PHACTR2: variants seen among roughly 807,000 people sequenced by gnomAD.
The protein encoded by PHACTR2 is chromosome 6 open reading frame 56.
In PHACTR2, 30 loss-of-function variants were observed where a neutral mutation model predicts 76.0. That is an observed-to-expected ratio of 0.39 (90% CI 0.30 to 0.54). The LOEUF is 0.54. PHACTR2 is among the 20% of genes least tolerant of loss of function. PHACTR2 has a pLI of 0.61. For missense variants in PHACTR2, 696 were observed against 781.1 expected (o/e 0.89, Z 1.30); for synonymous variants, 292 against 292.5 (o/e 1.00, Z 0.02).
In PHACTR2 at chr6:143,592,781, C is replaced by T. The variant is rs1050140443; in HGVS notation, c.217+55574C>T. On this transcript the variant is annotated intron_variant, in intron 1 of 11. Coordinates refer to the PHACTR2 transcript ENST00000367584. The surrounding 1 kb of genome is among the most constrained non-coding windows in gnomAD (Gnocchi z 4.0). ...CCCAACCTTGGGCTGGGCACGGTGGCTCAAGCCTGTAATCCCAGCACTTTG... is the reference window on the plus strand; with the variant it reads ...CCCAACCTTGGGCTGGGCACGGTGGTTCAAGCCTGTAATCCCAGCACTTTG... Among the ~76,000 whole-genome samples, 1 of 152,056 alleles carries T rather than the reference C, an allele frequency of 6.6e-6. No homozygotes were observed.
rs1035613582 is a variant in PHACTR2, at chr6:143,654,301, A to G, written c.13+45979A>G. Among the ~76,000 whole-genome samples, 1 of 152,200 alleles carries G rather than the reference A, an allele frequency of 6.6e-6. No individual in the cohort carries two copies. Among genetic ancestry groups the G allele is most frequent in the Non-Finnish European group, 1.5e-5 (1 of 68,036 alleles). ...ACTCTGGCAGTTCCTCAAACAATCA[A>G]TCATAGAGTTACCATATGAACAGCA... On this transcript the variant is annotated intron_variant, in intron 1 of 11. Transcript: ENST00000305766. The surrounding 1 kb of genome is among the most constrained non-coding windows in gnomAD (Gnocchi z 4.6).
intron 5 of PHACTR2, among the ~76,000 whole-genome samples, chr6:143,762,801 G>T (rs1407260859): frequency 6.6e-6 from 1 of 152,132 alleles, no homozygotes; most frequent in Non-Finnish European, 1.5e-5. Context: ...GAGAAATCGG[G>T]TTAAATCTCC....
intron 6 of PHACTR2, among the ~76,000 whole-genome samples, chr6:143,770,870 T>C (rs1775083007): frequency 6.6e-6 from 1 of 151,074 alleles, no homozygotes; most frequent in Non-Finnish European, 1.5e-5. Context: ...TTTACTAGGC[T>C]AAATAATAGA....
At position 143,787,655 on chromosome 6, in the gene PHACTR2, G is replaced by C. The variant is rs1016443704; in HGVS notation, c.1708-1118G>C. On this transcript the variant is annotated intron_variant, in intron 10 of 12. Coordinates refer to ENST00000440869, the MANE Select transcript of PHACTR2 (RefSeq NM_001100164.2). This position sits in a 1 kb window ranked among gnomAD's most constrained non-coding sequence, Gnocchi z 4.6. ...TGGACAGGTGTTGTGGCTTATGCCT[G>C]TAACCCCAGCACTTTGGGAGGCTGA... is the stretch of plus-strand genomic sequence containing the variant. Among the ~76,000 whole-genome samples the C allele has an allele frequency of 6.6e-6, 1 of 152,176 alleles. No individual in the cohort carries two copies. Among genetic ancestry groups the C allele is most frequent in the Non-Finnish European group, 1.5e-5 (1 of 68,030 alleles).
rs937825091 is a variant in PHACTR2, at chr6:143,663,544, G to GT, written c.14-48465dup. Among the ~76,000 whole-genome samples the GT allele has an allele frequency of 3.6e-4, 54 of 151,128 alleles. No individual in the cohort carries two copies. The highest frequency in any genetic ancestry group is 1.2e-3 in the African/African-American group (50 of 41,188). ...CTTTCCCTGAATAGATCTTTTCTTT[G>GT]TTTTTTTAAATAAATGCGATTAAAG... On this transcript the variant is annotated intron_variant, in intron 1 of 11. Transcript: ENST00000305766. The surrounding 1 kb of genome is among the most constrained non-coding windows in gnomAD (Gnocchi z 4.1).
rs2128470100 is a variant in PHACTR2 at position 143,750,917 on chromosome 6, T to C, written c.295+1852T>C. ...TTCCAGCTTTTCCATGGTCCCTATC[T>C]AGAACCGTAGAAATTATCTAATGGT... On this transcript the variant is annotated intron_variant, in intron 3 of 12. Coordinates refer to ENST00000440869, the MANE Select transcript of PHACTR2 (RefSeq NM_001100164.2). The surrounding 1 kb of genome is among the most constrained non-coding windows in gnomAD (Gnocchi z 4.6). Among the ~76,000 whole-genome samples the C allele has an allele frequency of 6.6e-6, 1 of 152,336 alleles. No individual in the cohort carries two copies. The highest frequency in any genetic ancestry group is 1.9e-4 in the East Asian group (1 of 5,184).
rs149470261 is a variant in PHACTR2, at chr6:143,553,332, T to A, written c.217+16125T>A. 2.4e-3 allele frequency among the ~76,000 whole-genome samples: 363 copies of A among 152,354 alleles called. 2 individuals are homozygous for A. Among genetic ancestry groups the A allele is most frequent in the African/African-American group, 8.2e-3 (342 of 41,578 alleles). Reference sequence around the variant, plus strand: ...CAACTTCAATTTGTACAGAAGTGACTGTGCATTTTAAAGAGAGAATGAAGG... The same window carrying A: ...CAACTTCAATTTGTACAGAAGTGACAGTGCATTTTAAAGAGAGAATGAAGG... On this transcript the variant is annotated intron_variant, in intron 1 of 11. Transcript: ENST00000367584. This position sits in a 1 kb window ranked among gnomAD's most constrained non-coding sequence, Gnocchi z 4.2.
rs1336102973 is a variant in PHACTR2, at chr6:143,739,444, C to T, written c.215-9541C>T. Among the ~76,000 whole-genome samples, 2 of 152,172 alleles carry T rather than the reference C, an allele frequency of 1.3e-5. No individual in the cohort carries two copies. Among genetic ancestry groups the T allele is most frequent in the Non-Finnish European group, 1.5e-5 (1 of 68,032 alleles). On this transcript the variant is annotated intron_variant, in intron 2 of 12. Transcript: ENST00000440869. The surrounding 1 kb of genome is among the most constrained non-coding windows in gnomAD (Gnocchi z 4.3). Reference sequence around the variant, plus strand: ...GTGTAATTTCTCTAGGGATGATTATCATTATTCGTATTTCAAACATTGGTC... The same window carrying T: ...GTGTAATTTCTCTAGGGATGATTATTATTATTCGTATTTCAAACATTGGTC...
chr6:143,704,550 A>G (rs573326301), intron 1 of PHACTR2, among the ~76,000 whole-genome samples: 1 of 152,342 alleles, frequency 6.6e-6, no homozygotes, highest in South Asian at 2.1e-4. Context: ...TGATTTTAGA[A>G]TAGTTTTAGA....
rs1257586141 is a variant in PHACTR2 at position 143,621,200 on chromosome 6, G to A, written c.13+12878G>A. On this transcript the variant is annotated intron_variant, in intron 1 of 11. Coordinates refer to the PHACTR2 transcript ENST00000305766. The surrounding 1 kb of genome is among the most constrained non-coding windows in gnomAD (Gnocchi z 4.1). Reference sequence around the variant, plus strand: ...GGGTAGGGAATGTGGACAGATTATAGGGAGAGACCAAGGTAGACACCTGGC... The same window carrying A: ...GGGTAGGGAATGTGGACAGATTATAAGGAGAGACCAAGGTAGACACCTGGC... Among the ~76,000 whole-genome samples, 2 of 152,172 alleles carry A rather than the reference G, an allele frequency of 1.3e-5. No homozygotes were observed. Among genetic ancestry groups the A allele is most frequent in the African/African-American group, 2.4e-5 (1 of 41,430 alleles).
chr6:143,799,470 G>A (rs1775905866), intron 11 of PHACTR2, among the ~76,000 whole-genome samples: 1 of 152,166 alleles, frequency 6.6e-6, no homozygotes, highest in African/African-American at 2.4e-5. Flanking sequence ...TCTTTTAATT[G>A]TGATGTTAGG....
At chr6:143,651,298 T>G (rs1776759249) in intron 1 of PHACTR2, among the ~76,000 whole-genome samples, 1 of 152,096 alleles carries the variant, frequency 6.6e-6, no homozygotes, top group African/African-American at 2.4e-5. Context: ...CTCAAAGACC[T>G]AGGAGCAGAA....
At chr6:143,748,891 A>G (rs1243654947) in intron 2 of PHACTR2, 94 bp from the exon 3 acceptor site, 1 of 660,942 alleles carries the variant, frequency 1.5e-6, no homozygotes. Context: ...CCCTCATGTG[A>G]GGAGAATAAA....
intron 12 of PHACTR2, among the ~76,000 whole-genome samples, chr6:143,814,095 C>T (rs1027509451): frequency 8.5e-5 from 13 of 152,184 alleles, no homozygotes; most frequent in African/African-American, 3.1e-4. Context: ...GTGGCTCATG[C>T]CTGTAATCCC....
chr6:143,755,710 C>T lies in PHACTR2; in HGVS notation c.454+1798C>T, dbSNP rs1779282177. ...ACATACCACTAAAGAGGCAGTGCGG[C>T]TGTCTCCTGTGTGGAAAGTGCACAC... is the stretch of plus-strand genomic sequence containing the variant. On this transcript the variant is annotated intron_variant, in intron 4 of 12. Coordinates refer to ENST00000440869, the MANE Select transcript of PHACTR2 (RefSeq NM_001100164.2). This position sits in a 1 kb window ranked among gnomAD's most constrained non-coding sequence, Gnocchi z 5.2. 6.6e-6 allele frequency among the ~76,000 whole-genome samples: 1 copy of T among 152,058 alleles called. No homozygotes were observed.
chr6:143,763,474 A>G (rs1163821450), intron 5 of PHACTR2, among the ~76,000 whole-genome samples: 1 of 152,258 alleles, frequency 6.6e-6, no homozygotes, highest in Non-Finnish European at 1.5e-5. Flanking sequence ...CCGAATCCTT[A>G]GCGTCTTTGT....
Position 143,658,289 on chromosome 6 carries a change from A to G in PHACTR2, c.13+49967A>G, listed in dbSNP as rs1008654587. Among the ~76,000 whole-genome samples the G allele has an allele frequency of 4.6e-5, 7 of 152,232 alleles. No individual in the cohort carries two copies. Among genetic ancestry groups the G allele is most frequent in the African/African-American group, 1.7e-4 (7 of 41,460 alleles). Reference sequence around the variant, plus strand: ...AATATAGAAATACACCTTCAAATTAACAAGGGAAATTCAGGTGAAACTTAA... The same window carrying G: ...AATATAGAAATACACCTTCAAATTAGCAAGGGAAATTCAGGTGAAACTTAA... On this transcript the variant is annotated intron_variant, in intron 1 of 11. Transcript: ENST00000305766. The surrounding 1 kb of genome is among the most constrained non-coding windows in gnomAD (Gnocchi z 4.1).
intron 1 of PHACTR2, among the ~76,000 whole-genome samples, chr6:143,584,811 A>G (rs1356831109): frequency 6.6e-6 from 1 of 152,154 alleles, no homozygotes; most frequent in African/African-American, 2.4e-5. Flanking sequence ...AGTTCGGGTC[A>G]GAAGTTTCCT....
chr6:143,587,873 C>G (rs535006174), intron 1 of PHACTR2, among the ~76,000 whole-genome samples: 3 of 151,822 alleles, frequency 2.0e-5, no homozygotes, highest in Non-Finnish European at 4.4e-5. Flanking sequence ...ATTAGCCAGG[C>G]GTGATGGCAC....
Sources: gnomAD v4.1 joint callset for allele counts (sites outside exome capture counted in the v4.1 genomes callset) on GRCh38, gnomAD v4.1.1 for gene constraint, Gnocchi (gnomAD v3.1) non-coding constraint, MANE v1.5 for transcripts, NCBI Gene and HGNC (gene_info 2026-07-23, HGNC 2026-07-21) for gene names.